The following RBM20 variants were observed in gnomAD, a reference collection of about 807,000 sequenced individuals.
The protein encoded by RBM20 is RNA binding motif protein 20.
RBM20 carries 51 observed loss-of-function variants against 110.1 expected under a neutral mutation model. The observed-to-expected ratio is 0.46, with a 90% CI of 0.37 to 0.59. RBM20 has a LOEUF of 0.59. Ranked by LOEUF, RBM20 falls within the 20% of genes least tolerant of loss-of-function variation. RBM20 has a pLI of 0.00. For missense variants in RBM20, 1,512 were observed against 1,574.9 expected (o/e 0.96, Z 0.68); for synonymous variants, 589 against 618.2 (o/e 0.95, Z 0.70).
At chr10:110,674,745 T>C (rs187602073) in intron 1 of RBM20, among the ~76,000 whole-genome samples, 12 of 152,404 alleles carry the variant, frequency 7.9e-5, no homozygotes. Flanking sequence ...CGATGTACTA[T>C]ATTTTTTAGA....
intron 1 of RBM20, among the ~76,000 whole-genome samples, chr10:110,678,397 T>A (rs2134854385): frequency 6.6e-6 from 1 of 152,348 alleles, no homozygotes; most frequent in Non-Finnish European, 1.5e-5. Flanking sequence ...ACCATGATCT[T>A]CTCATAATTT....
Position 110,831,666 on chromosome 10 carries a change from T to TAAAAAA in RBM20, c.3573+504_3573+509dup, listed in dbSNP as rs869203382. Among the ~76,000 whole-genome samples, 144 of 58,040 alleles carry TAAAAAA rather than the reference T, an allele frequency of 2.5e-3. 3 individuals are homozygous for TAAAAAA. The highest frequency in any genetic ancestry group is 0.011 in the East Asian group (22 of 2,016). 38.1% of individuals were successfully genotyped at this position (58,040 alleles called of 152,430 possible). On this transcript the variant is annotated intron_variant, in intron 13 of 13. Coordinates refer to ENST00000369519, the MANE Select transcript of RBM20 (RefSeq NM_001134363.3). ...ATGCAGGTATCCCTGCTTGCTAGAATAAAAAAAAAAAAAAAAAAAAAAAAA... is the reference window on the plus strand; with the variant it reads ...ATGCAGGTATCCCTGCTTGCTAGAATAAAAAAAAAAAAAAAAAAAAAAAAAAAAAAA...
intron 7 of RBM20, among the ~76,000 whole-genome samples, chr10:110,801,979 C>T (rs957013239): frequency 1.3e-5 from 2 of 152,126 alleles, no homozygotes; most frequent in Non-Finnish European, 2.9e-5. Flanking sequence ...CCATGCTTTT[C>T]TTTTGCATTG....
rs573511915 is a variant in RBM20, at chr10:110,676,336, A to AAAAAT, written c.191+31693_191+31697dup. Among the ~76,000 whole-genome samples the AAAAAT allele has an allele frequency of 1.2e-3, 182 of 152,344 alleles. 1 individual carries two copies. The highest frequency in any genetic ancestry group is 3.9e-3 in the Admixed American group (59 of 15,304). On this transcript the variant is annotated intron_variant, in intron 1 of 13. Transcript: ENST00000369519. ...AGTGCCCTGCATCTCACAGAGAGAG[A>AAAAAT]AAAATAGATATTTGGAAGTGGTATC...
At chr10:110,834,093 A>C (rs1845093132) in intron 13 of RBM20, among the ~76,000 whole-genome samples, 2 of 152,160 alleles carry the variant, frequency 1.3e-5, no homozygotes. Context: ...ACGGCTCTGC[A>C]AGAACCCACC....
intron 1 of RBM20, among the ~76,000 whole-genome samples, chr10:110,746,388 G>T (rs953912805): frequency 2.0e-5 from 3 of 152,206 alleles, no homozygotes; most frequent in Admixed American, 2.0e-4. Context: ...CCACTGTAGA[G>T]TGGTTATTCT....
At chr10:110,808,126 G>C (rs1590692882) in intron 7 of RBM20, among the ~76,000 whole-genome samples, 1 of 152,248 alleles carries the variant, frequency 6.6e-6, no homozygotes, top group East Asian at 1.9e-4. Flanking sequence ...CCCAAGGTGG[G>C]CAGGCAGGAA....
At position 110,784,442 on chromosome 10, in the gene RBM20, G is replaced by C; in HGVS notation, c.1429+10G>C. The stretch of plus-strand genomic sequence containing the variant: ...CCTGCTGGGAATGAAGGTGAGCAAG[G>C]CCCTACAGGTCAGCAGCTTGAAGCA... On this transcript the variant is annotated intron_variant, in intron 4 of 13. Transcript: ENST00000369519. 1 of 1,547,232 alleles carries C rather than the reference G, an allele frequency of 6.5e-7. No homozygotes were observed. The highest frequency in any genetic ancestry group is 8.7e-7 in the Non-Finnish European group (1 of 1,143,138).
At chr10:110,834,242 C>T (rs138169848) in intron 13 of RBM20, among the ~76,000 whole-genome samples, 2 of 152,360 alleles carry the variant, frequency 1.3e-5, no homozygotes, top group East Asian at 3.9e-4. Flanking sequence ...GGTTTACCCT[C>T]CCTGAGCCAA....
intron 5 of RBM20, among the ~76,000 whole-genome samples, chr10:110,793,730 C>A (rs1182178279): frequency 6.6e-6 from 1 of 152,234 alleles, no homozygotes; most frequent in African/African-American, 2.4e-5. Context: ...AAGTACACTA[C>A]TTCAGGCTTT....
chr10:110,833,804 G>A (rs550113476), intron 13 of RBM20, among the ~76,000 whole-genome samples: 1 of 151,958 alleles, frequency 6.6e-6, no homozygotes, highest in South Asian at 2.1e-4. Flanking sequence ...CAACTGCAGT[G>A]TAGCTTTACC....
At chr10:110,649,328 G>A (rs570062087) in intron 1 of RBM20, among the ~76,000 whole-genome samples, 37 of 152,128 alleles carry the variant, frequency 2.4e-4, no homozygotes, top group African/African-American at 8.0e-4. Flanking sequence ...ACAACAGCCG[G>A]TCCTCAAGTG....
At chr10:110,673,895 G>A (rs1403003627) in intron 1 of RBM20, among the ~76,000 whole-genome samples, 1 of 152,180 alleles carries the variant, frequency 6.6e-6, no homozygotes. Flanking sequence ...ATCCTTTACT[G>A]TGGGTGGCAT....
intron 5 of RBM20, among the ~76,000 whole-genome samples, chr10:110,788,221 C>G (rs928288617): frequency 6.6e-6 from 1 of 152,172 alleles, no homozygotes; most frequent in Non-Finnish European, 1.5e-5. Flanking sequence ...ACCTCCCCCT[C>G]TCCCTACCCC....
rs980206984 is a variant in RBM20 at position 110,812,258 on chromosome 10, G to T, written c.1881-20G>T. ...GGGAGGTGTGAAGATTCTAAATCCT[G>T]CTCCTTGGCTCCCTCACAGATATGG... On this transcript the variant is annotated intron_variant, in intron 8 of 13. Transcript: ENST00000369519. 2 of 1,525,156 alleles carry T rather than the reference G, an allele frequency of 1.3e-6. No individual in the cohort carries two copies. Among genetic ancestry groups the T allele is most frequent in the African/African-American group, 2.8e-5 (2 of 72,658 alleles). The allele number at this position is 1,525,156 out of a possible 1,614,324, so 94.5% of individuals were successfully genotyped here.
chr10:110,751,051 G>C lies in RBM20; in HGVS notation c.192-29750G>C, dbSNP rs116548586. ...CTTTCCTTTTTGCCAGCAGAGAGAGGGCTTTGAAGGTAAGAGGAAGGTAGT... is the reference window on the plus strand; with the variant it reads ...CTTTCCTTTTTGCCAGCAGAGAGAGCGCTTTGAAGGTAAGAGGAAGGTAGT... On this transcript the variant is annotated intron_variant, in intron 1 of 13. Transcript: ENST00000369519. Among the ~76,000 whole-genome samples, 769 of 152,310 alleles carry C rather than the reference G, an allele frequency of 5.0e-3. 5 individuals carry two copies. The highest frequency in any genetic ancestry group is 0.018 in the African/African-American group (738 of 41,556).
upstream of RBM20, among the ~76,000 whole-genome samples, chr10:110,644,005 G>A (rs1861826134): frequency 6.6e-6 from 1 of 152,194 alleles, no homozygotes; most frequent in Non-Finnish European, 1.5e-5. This position sits in a 1 kb window ranked among gnomAD's most constrained non-coding sequence, Gnocchi z 4.3. Context: ...CCCGGGTGGA[G>A]CGAGAGCGCG....
intron 1 of RBM20, among the ~76,000 whole-genome samples, chr10:110,647,189 C>T (rs1186480581): frequency 2.6e-5 from 4 of 152,124 alleles, no homozygotes; most frequent in Non-Finnish European, 5.9e-5. Context: ...TTCCTGTTCA[C>T]GTTATATTTG....
intron 1 of RBM20, among the ~76,000 whole-genome samples, chr10:110,686,668 T>C (rs1387445545): frequency 3.9e-5 from 6 of 152,112 alleles, no homozygotes; most frequent in Admixed American, 3.9e-4. Flanking sequence ...CAATTTTATC[T>C]AAGAGATATT....
Sources: gnomAD v4.1 joint callset for allele counts (sites outside exome capture counted in the v4.1 genomes callset) on GRCh38, gnomAD v4.1.1 for gene constraint, Gnocchi (gnomAD v3.1) non-coding constraint, MANE v1.5 for transcripts, NCBI Gene and HGNC (gene_info 2026-07-23, HGNC 2026-07-21) for gene names.